Variants in ASRGL1 observed in about 807,000 individuals in gnomAD.
The protein encoded by ASRGL1 is isoaspartyl peptidase/L-asparaginase.
ASRGL1 carries 16 observed loss-of-function variants against 22.4 expected under a neutral mutation model. The ratio of observed to expected loss-of-function variants is 0.71; its 90% CI spans 0.48 to 1.08. ASRGL1 has a LOEUF of 1.08. Among genes scored for constraint, ASRGL1 ranks in the 50% least tolerant of loss-of-function variants. The probability of loss-of-function intolerance (pLI) is 0.00; values close to 1 mark genes in which losing one functional copy is unlikely to be tolerated. For missense variants in ASRGL1, 412 were observed against 410.1 expected, an observed-to-expected ratio of 1.00 and a Z score of -0.04; for synonymous variants, 165 against 159.3, an observed-to-expected ratio of 1.04 and a Z score of -0.27.
rs538810287 is a variant in ASRGL1 at position 62,364,451 on chromosome 11, TAAAAATA to T, written c.491+7308_491+7314del. On this transcript the variant is annotated intron_variant, in intron 4 of 6. Transcript: ENST00000415229. ...ATAGTATGGAGGTTCCTAAAGAAAT[TAAAAATA>T]GAACTACCTTATAACCCAGCAATCC... Among the ~76,000 whole-genome samples the T allele has an allele frequency of 5.1e-3, 779 of 152,160 alleles. 2 individuals carry two copies. Among genetic ancestry groups the T allele is most frequent in the African/African-American group, 0.015 (618 of 41,502 alleles).
At chr11:62,395,789 T>TG, downstream of ASRGL1, among the ~76,000 whole-genome samples, 1 of 129,098 alleles carries the variant, frequency 7.7e-6, no homozygotes, top group South Asian at 2.4e-4. Flanking sequence ...TTTTTTTTTT[T>TG]GAGATAGAGT....
intron 4 of ASRGL1, among the ~76,000 whole-genome samples, chr11:62,368,309 T>G (rs1432657110): frequency 6.6e-6 from 1 of 152,158 alleles, no homozygotes; most frequent in African/African-American, 2.4e-5. Context: ...CTGAGGGTCT[T>G]GGAGCGTATC....
At chr11:62,346,651 C>T (rs1466054202) in intron 2 of ASRGL1, among the ~76,000 whole-genome samples, 1 of 152,110 alleles carries the variant, frequency 6.6e-6, no homozygotes, top group Non-Finnish European at 1.5e-5. Context: ...ATAAATGATC[C>T]TAGTCTTGCC....
intron 4 of ASRGL1, 64 bp from the exon 5 acceptor site, chr11:62,389,069 T>G: frequency 2.2e-6 from 3 of 1,379,280 alleles, no homozygotes; most frequent in Non-Finnish European, 3.1e-6. Flanking sequence ...TTAAGGTACA[T>G]TGTTGGTTAT....
chr11:62,362,664 T>TATATAAC (rs1450653088), intron 4 of ASRGL1, among the ~76,000 whole-genome samples: 3 of 93,730 alleles, frequency 3.2e-5, no homozygotes, highest in African/African-American at 8.8e-5. Flanking sequence ...TTATATAAAA[T>TATATAAC]ATATAATATA....
At chr11:62,387,846 C>T (rs778665118) in intron 4 of ASRGL1, among the ~76,000 whole-genome samples, 1 of 152,170 alleles carries the variant, frequency 6.6e-6, no homozygotes, top group Non-Finnish European at 1.5e-5. Flanking sequence ...AAAACAATGC[C>T]TCAAATATAA....
intron 6 of ASRGL1, 83 bp downstream of exon 6, chr11:62,391,715 G>GA (rs3832779): frequency 0.28 from 409,403 of 1,466,196 alleles, 58,365 homozygotes; most frequent in South Asian, 0.35. Context: ...ATGGAGAAGT[G>GA]TAGGAAACCC....
intron 2 of ASRGL1, among the ~76,000 whole-genome samples, chr11:62,347,052 C>T (rs1448638978): frequency 6.6e-6 from 1 of 151,976 alleles, no homozygotes; most frequent in African/African-American, 2.4e-5. Flanking sequence ...TGCACTTTTG[C>T]ACCCAAACTT....
chr11:62,366,976 G>A (rs1455868829), intron 4 of ASRGL1, among the ~76,000 whole-genome samples: 3 of 152,026 alleles, frequency 2.0e-5, no homozygotes, highest in East Asian at 1.9e-4. Context: ...AGGCTGAGGC[G>A]GGTGGATCAC....
At chr11:62,400,175 A>G in the ASRGL1 span, among the ~76,000 whole-genome samples, 1 of 152,038 alleles carries the variant, frequency 6.6e-6, no homozygotes, top group East Asian at 1.9e-4. Flanking sequence ...GCCCCCCAGG[A>G]TATGAGGGGC....
chr11:62,347,488 G>A (rs571156939), intron 2 of ASRGL1, among the ~76,000 whole-genome samples: 1 of 152,166 alleles, frequency 6.6e-6, no homozygotes, highest in African/African-American at 2.4e-5. Flanking sequence ...TCATCTCATT[G>A]GCATACAAAA....
At chr11:62,377,819 A>G (rs552923564) in intron 4 of ASRGL1, among the ~76,000 whole-genome samples, 9 of 152,194 alleles carry the variant, frequency 5.9e-5, no homozygotes, top group Non-Finnish European at 7.3e-5. Context: ...TCCAAGTACA[A>G]TGTAAAAGTC....
Position 62,356,972 on chromosome 11 carries a change from T to C in ASRGL1, c.334-15T>C, listed in dbSNP as rs1474838848. 1 of 1,568,686 alleles carries C rather than the reference T, an allele frequency of 6.4e-7. No individual in the cohort carries two copies. Among genetic ancestry groups the C allele is most frequent in the South Asian group, 1.2e-5 (1 of 82,948 alleles). On this transcript the variant is annotated splice_polypyrimidine_tract_variant and intron_variant, in intron 3 of 6. Transcript: ENST00000415229. ...TTCAAAAAAACAATCATTTTCTCTT[T>C]TCTTTCTGGCTCAGACACCTCATTG...
downstream of ASRGL1, among the ~76,000 whole-genome samples, chr11:62,394,124 T>A (rs1590767445): frequency 7.3e-6 from 1 of 136,340 alleles, no homozygotes; most frequent in Admixed American, 8.3e-5. Context: ...TACATATATA[T>A]TATATATAAT....
chr11:62,401,042 G>A, the ASRGL1 span, among the ~76,000 whole-genome samples: 3 of 152,322 alleles, frequency 2.0e-5, no homozygotes, highest in Middle Eastern at 6.8e-3. Context: ...GAGCCCCTCG[G>A]CCTGGGAAAG....
In ASRGL1 at chr11:62,337,976, A is replaced by G. The variant is rs1013056975; in HGVS notation, c.-2A>G. 6.3e-7 allele frequency: 1 copy of G among 1,594,178 alleles called. No homozygotes were observed. Among genetic ancestry groups the G allele is most frequent in the Non-Finnish European group, 8.5e-7 (1 of 1,170,586 alleles). ...CCTTCCTGCTGCCTAGGATCCGCCG[A>G]CATGAATCCCATCGTAGTGGTCCAC... On this transcript the variant is annotated 5_prime_UTR_variant, in exon 2 of 7. Transcript: ENST00000415229.
chr11:62,368,891 A>G (rs1565165975), intron 4 of ASRGL1, among the ~76,000 whole-genome samples: 1 of 152,176 alleles, frequency 6.6e-6, no homozygotes. Context: ...GTTTTCTCCT[A>G]TCTCAGTAAA....
rs5792257 is a variant in ASRGL1 at position 62,392,568 on chromosome 11, CA to C, written c.*301del. The C allele has an allele frequency of 0.026, 7,414 of 287,636 alleles. 345 individuals are homozygous for C. The highest frequency in any genetic ancestry group is 0.14 in the African/African-American group (5,618 of 40,406). 17.8% of individuals were successfully genotyped at this position (287,636 alleles called of 1,614,324 possible). A position where few individuals can be genotyped will look rare whatever the true frequency, so the allele number is the denominator to read the frequency against. The stretch of plus-strand genomic sequence containing the variant: ...TGGGCAACAGAGCCAGGCCCTGTAT[CA>C]AAAAAAAAAAAAAAAAGAAAAGGGA... On this transcript the variant is annotated 3_prime_UTR_variant, in exon 7 of 7. Transcript: ENST00000415229.
intron 4 of ASRGL1, among the ~76,000 whole-genome samples, chr11:62,369,785 C>G (rs1228716330): frequency 6.6e-6 from 1 of 152,042 alleles, no homozygotes; most frequent in Non-Finnish European, 1.5e-5. Context: ...CTAACCATGT[C>G]CCAGTGATGC....
Sources: allele counts gnomAD v4.1 joint callset (sites outside exome capture counted in the v4.1 genomes callset), GRCh38; gene constraint gnomAD v4.1.1; transcripts MANE v1.5; gene names NCBI Gene and HGNC (gene_info 2026-07-23, HGNC 2026-07-21).